PKIB: variants seen among roughly 807,000 people sequenced by gnomAD.
PKIB encodes cAMP-dependent protein kinase inhibitor beta.
A neutral mutation model predicts 4.5 loss-of-function variants in PKIB; 2 were observed. That is an observed-to-expected ratio of 0.44 (90% CI 0.18 to 1.39). PKIB has a LOEUF of 1.39. Ranked by LOEUF, PKIB falls within the 40% of genes most tolerant of loss-of-function variation. PKIB has a pLI of 0.27. For missense variants in PKIB, 94 were observed against 92.6 expected, an observed-to-expected ratio of 1.02 and a Z score of -0.06; for synonymous variants, 38 against 36.0, an observed-to-expected ratio of 1.06 and a Z score of -0.20.
intron 2 of PKIB, chr6:122,643,905 C>T (rs1776212244): frequency 6.6e-6 from 1 of 152,028 alleles, no homozygotes; most frequent in African/African-American, 2.4e-5. Flanking sequence ...TGAATATTTT[C>T]ATTGCTAATT....
intron 2 of PKIB, among the ~76,000 whole-genome samples, chr6:122,518,784 A>C (rs1776841782): frequency 6.6e-6 from 1 of 152,136 alleles, no homozygotes; most frequent in Non-Finnish European, 1.5e-5. Context: ...ATTAAGACAA[A>C]TATATTTTAT....
chr6:122,622,712 G>A (rs569677219), intron 1 of PKIB, among the ~76,000 whole-genome samples: 12 of 149,428 alleles, frequency 8.0e-5, no homozygotes, highest in African/African-American at 2.7e-4. Context: ...AGTAGTGGGG[G>A]CTCACCCCTA....
At chr6:122,723,763 G>A (rs1779832707) in intron 4 of PKIB, among the ~76,000 whole-genome samples, 1 of 152,078 alleles carries the variant, frequency 6.6e-6, no homozygotes, top group South Asian at 2.1e-4. Context: ...TTCTCAGTGA[G>A]GCATTCCCAG....
chr6:122,570,631 A>G (rs1360934147), intron 2 of PKIB, among the ~76,000 whole-genome samples: 4 of 152,212 alleles, frequency 2.6e-5, no homozygotes, highest in African/African-American at 9.6e-5. Flanking sequence ...CTCTATAACT[A>G]AGGAAGTCAT....
At chr6:122,476,738 G>A (rs962993191) in intron 1 of PKIB, among the ~76,000 whole-genome samples, 1 of 152,148 alleles carries the variant, frequency 6.6e-6, no homozygotes, top group Non-Finnish European at 1.5e-5. Context: ...TGAGAAGGGA[G>A]TGACTTCTTG....
chr6:122,543,069 G>A (rs887123403), intron 2 of PKIB, among the ~76,000 whole-genome samples: 2 of 152,068 alleles, frequency 1.3e-5, no homozygotes, highest in African/African-American at 2.4e-5. Flanking sequence ...CGTTGGAAAA[G>A]CGCAGTATTA....
chr6:122,686,262 T>A (rs1055246917), intron 3 of PKIB, among the ~76,000 whole-genome samples: 1 of 152,172 alleles, frequency 6.6e-6, no homozygotes, highest in African/African-American at 2.4e-5. Flanking sequence ...AAATTTACAT[T>A]CCCACCAACA....
intron 1 of PKIB, among the ~76,000 whole-genome samples, chr6:122,627,922 C>T (rs975575561): frequency 6.6e-6 from 1 of 151,794 alleles, no homozygotes; most frequent in Non-Finnish European, 1.5e-5. Context: ...TAAACTCATA[C>T]AAGATTTTAA....
At chr6:122,640,016 G>A (rs987100748) in intron 2 of PKIB, among the ~76,000 whole-genome samples, 2 of 152,136 alleles carry the variant, frequency 1.3e-5, no homozygotes, top group Non-Finnish European at 2.9e-5. Context: ...CTTAGGCTTT[G>A]ACCAAATCTC....
At chr6:122,557,583 C>T (rs1181886076) in intron 2 of PKIB, among the ~76,000 whole-genome samples, 1 of 152,192 alleles carries the variant, frequency 6.6e-6, no homozygotes, top group Non-Finnish European at 1.5e-5. Flanking sequence ...TGTGGCTAGA[C>T]AAAGTGACAA....
intron 2 of PKIB, among the ~76,000 whole-genome samples, chr6:122,646,415 T>A (rs1352612944): frequency 2.6e-5 from 4 of 152,152 alleles, no homozygotes; most frequent in Non-Finnish European, 1.5e-5. Flanking sequence ...TTAACAGCCT[T>A]CTATTATTGA....
At position 122,565,653 on chromosome 6, in the gene PKIB, A is replaced by G. The variant is rs9398677; in HGVS notation, c.-247-20268A>G. ...TTCTACTGTATAGCATGGATGGACT[A>G]CCCTATAGCTACTGTAAAAAACACT... On this transcript the variant is annotated intron_variant, in intron 2 of 6. Coordinates refer to the PKIB transcript ENST00000392491. Among the ~76,000 whole-genome samples, 291 of 152,292 alleles carry G rather than the reference A, an allele frequency of 1.9e-3. 7 individuals are homozygous for G. In the East Asian group the frequency reaches 0.043, roughly 22 times the overall value.
intron 3 of PKIB, among the ~76,000 whole-genome samples, chr6:122,706,562 G>A (rs1779063269): frequency 6.6e-6 from 1 of 152,180 alleles, no homozygotes; most frequent in Non-Finnish European, 1.5e-5. Flanking sequence ...AAAATAATGA[G>A]TTGTGAGATG....
At chr6:122,692,231 C>T (rs919222668) in intron 3 of PKIB, among the ~76,000 whole-genome samples, 18 of 152,318 alleles carry the variant, frequency 1.2e-4, no homozygotes, top group African/African-American at 4.3e-4. Context: ...TAGGGCTCTA[C>T]GATCAGCCAG....
chr6:122,648,028 C>T (rs1776394866), intron 2 of PKIB, among the ~76,000 whole-genome samples: 1 of 152,246 alleles, frequency 6.6e-6, no homozygotes, highest in African/African-American at 2.4e-5. Context: ...CTCATCCTTA[C>T]CTCCACTGCG....
intron 2 of PKIB, among the ~76,000 whole-genome samples, chr6:122,656,155 G>T (rs2114896896): frequency 6.6e-6 from 1 of 152,212 alleles, no homozygotes; most frequent in South Asian, 2.1e-4. Flanking sequence ...AATTGACTAT[G>T]CAACTATTGT....
At chr6:122,652,364 AT>A (rs1776596556) in intron 2 of PKIB, among the ~76,000 whole-genome samples, 1 of 150,602 alleles carries the variant, frequency 6.6e-6, no homozygotes, top group Non-Finnish European at 1.5e-5. Flanking sequence ...AAAAGAATTG[AT>A]TTATGTGATT....
intron 2 of PKIB, chr6:122,585,653 G>A (rs1003080247): frequency 6.6e-6 from 1 of 152,108 alleles, no homozygotes; most frequent in African/African-American, 2.4e-5. Flanking sequence ...AATTAATTAT[G>A]TAAGTGAACA....
At chr6:122,608,854 A>T (rs2114753737), upstream of PKIB, among the ~76,000 whole-genome samples, 1 of 152,298 alleles carries the variant, frequency 6.6e-6, no homozygotes, top group South Asian at 2.1e-4. Context: ...GATCATAAAA[A>T]TCCAATCATG....
Sources: gnomAD v4.1 joint callset for allele counts (sites outside exome capture counted in the v4.1 genomes callset) on GRCh38, gnomAD v4.1.1 for gene constraint, MANE v1.5 for transcripts, NCBI Gene and HGNC (gene_info 2026-07-23, HGNC 2026-07-21) for gene names.